The following FTO variants were observed in gnomAD, a reference collection of about 807,000 sequenced individuals.
The protein encoded by FTO is alpha-ketoglutarate-dependent dioxygenase FTO.
Under a neutral mutation model 63.9 loss-of-function variants are expected in FTO, and 47 were observed. The ratio of observed to expected loss-of-function variants is 0.74; its 90% CI spans 0.58 to 0.94. The LOEUF (loss-of-function observed/expected upper bound fraction) is 0.94, where lower values mean the gene tolerates loss of function less well. FTO is among the 40% of genes least tolerant of loss of function. The pLI, the probability that FTO is intolerant of heterozygous loss-of-function variation, is 0.00. For missense variants in FTO, 562 were observed against 618.1 expected, an observed-to-expected ratio of 0.91 and a Z score of 0.96; for synonymous variants, 207 against 224.4, an observed-to-expected ratio of 0.92 and a Z score of 0.69.
intron 7 of FTO, among the ~76,000 whole-genome samples, chr16:53,931,900 A>ACG (rs1426198160): frequency 2.6e-5 from 4 of 151,394 alleles, no homozygotes; most frequent in African/African-American, 9.8e-5. Flanking sequence ...ACACACACAC[A>ACG]CACACACGCA....
chr16:53,748,361 T>C (rs2076696404), intron 1 of FTO, among the ~76,000 whole-genome samples: 1 of 152,234 alleles, frequency 6.6e-6, no homozygotes, highest in Non-Finnish European at 1.5e-5. Context: ...TTGTTTTCAG[T>C]GTATAGGTCT....
chr16:53,939,832 G>T (rs988107974), intron 8 of FTO, among the ~76,000 whole-genome samples: 2 of 151,870 alleles, frequency 1.3e-5, no homozygotes, highest in Admixed American at 1.3e-4. Flanking sequence ...CCACTATATC[G>T]ATGTGCCACA....
chr16:53,948,819 C>T lies in FTO; in HGVS notation c.1364+14710C>T, dbSNP rs78665098. On this transcript the variant is annotated intron_variant, in intron 8 of 8. Coordinates refer to ENST00000471389, the MANE Select transcript of FTO (RefSeq NM_001080432.3). The stretch of plus-strand genomic sequence containing the variant: ...AGTCCTGACTGCTTTGAATTAAAAA[C>T]CTTCTCCATCTTCTCACACTTCTCA... Among the ~76,000 whole-genome samples the T allele has an allele frequency of 4.0e-4, 61 of 152,310 alleles. 1 individual carries two copies. In the East Asian group the frequency reaches 0.011, roughly 29 times the overall value.
chr16:53,704,021 C>G, upstream of FTO: 1 of 762,466 alleles, frequency 1.3e-6, no homozygotes, highest in African/African-American at 1.7e-5. Context: ...CCGTGGCGCT[C>G]GCGGGTGTCG....
intron 1 of FTO, among the ~76,000 whole-genome samples, chr16:53,750,387 G>A (rs779191982): frequency 2.2e-4 from 33 of 151,852 alleles, no homozygotes; most frequent in Non-Finnish European, 4.6e-4. Flanking sequence ...ACAGGTGCAC[G>A]CCACCACACC....
At chr16:53,838,123 C>G (rs1567344887) in intron 3 of FTO, among the ~76,000 whole-genome samples, 1 of 152,204 alleles carries the variant, frequency 6.6e-6, no homozygotes, top group African/African-American at 2.4e-5. Context: ...ATTTCCCATC[C>G]CAGACATGGG....
At chr16:53,954,350 C>A (rs980978243) in intron 8 of FTO, among the ~76,000 whole-genome samples, 1 of 150,988 alleles carries the variant, frequency 6.6e-6, no homozygotes, top group Non-Finnish European at 1.5e-5. Flanking sequence ...CTTTTTTTTT[C>A]CCTAGACCTA....
chr16:54,031,222 G>T (rs1483920823), intron 8 of FTO, among the ~76,000 whole-genome samples: 2 of 152,136 alleles, frequency 1.3e-5, no homozygotes, highest in South Asian at 2.1e-4. Context: ...GGGAAAAAAT[G>T]GATTTTTTAG....
At chr16:53,796,704 A>G (rs1336762262) in intron 1 of FTO, among the ~76,000 whole-genome samples, 2 of 152,238 alleles carry the variant, frequency 1.3e-5, no homozygotes, top group African/African-American at 4.8e-5. Context: ...TGAAAAGTCC[A>G]TCTGTCAAAT....
chr16:54,089,082 G>C (rs2086318216), intron 8 of FTO, among the ~76,000 whole-genome samples: 1 of 152,198 alleles, frequency 6.6e-6, no homozygotes, highest in African/African-American at 2.4e-5. Flanking sequence ...AGGGATCTCA[G>C]GTACTGTCAT....
At chr16:53,932,629 A>G (rs187067297) in intron 7 of FTO, among the ~76,000 whole-genome samples, 1 of 152,252 alleles carries the variant, frequency 6.6e-6, no homozygotes, top group African/African-American at 2.4e-5. Flanking sequence ...ACCTCAAGCA[A>G]TCTGCCTGCC....
chr16:53,829,719 A>G (rs1415172357), intron 3 of FTO, among the ~76,000 whole-genome samples: 1 of 152,228 alleles, frequency 6.6e-6, no homozygotes, highest in Non-Finnish European at 1.5e-5. Context: ...AACTCCAAAG[A>G]TAAATCAATG....
At chr16:53,978,958 C>A (rs535086577) in intron 8 of FTO, among the ~76,000 whole-genome samples, 2 of 151,978 alleles carry the variant, frequency 1.3e-5, no homozygotes, top group African/African-American at 4.8e-5. Flanking sequence ...GAGATCATGC[C>A]GCTGCACTCC....
chr16:54,108,573 A>G (rs2086808221), intron 8 of FTO, among the ~76,000 whole-genome samples: 1 of 152,190 alleles, frequency 6.6e-6, no homozygotes, highest in African/African-American at 2.4e-5. Flanking sequence ...AGACTGCCCA[A>G]GTATAACAGG....
intron 1 of FTO, among the ~76,000 whole-genome samples, chr16:53,793,851 G>A (rs1215422023): frequency 1.3e-5 from 2 of 152,156 alleles, no homozygotes; most frequent in Non-Finnish European, 2.9e-5. Flanking sequence ...GTCTTTATAT[G>A]CAAATAAAGT....
intron 7 of FTO, among the ~76,000 whole-genome samples, chr16:53,918,410 A>T (rs1488325359): frequency 1.3e-5 from 2 of 152,220 alleles, no homozygotes; most frequent in African/African-American, 4.8e-5. Flanking sequence ...AGATATCGAA[A>T]CATAGAAAAG....
intron 1 of FTO, among the ~76,000 whole-genome samples, chr16:53,788,560 G>T (rs2077812779): frequency 6.9e-6 from 1 of 144,030 alleles, no homozygotes; most frequent in South Asian, 2.2e-4. Flanking sequence ...CTGAGATCAG[G>T]CCACTGCACT....
intron 1 of FTO, among the ~76,000 whole-genome samples, chr16:53,800,377 A>G (rs967593965): frequency 1.3e-5 from 2 of 152,170 alleles, no homozygotes; most frequent in Non-Finnish European, 2.9e-5. Context: ...TTATGATTTC[A>G]ATCCTTATAA....
chr16:54,004,845 CG>C (rs1567510562), intron 8 of FTO, among the ~76,000 whole-genome samples: 2 of 151,742 alleles, frequency 1.3e-5, no homozygotes, highest in African/African-American at 4.8e-5. Flanking sequence ...CTGAGGCGAG[CG>C]GATCATGAGG....
Sources: gnomAD v4.1 joint callset for allele counts (sites outside exome capture counted in the v4.1 genomes callset) on GRCh38, gnomAD v4.1.1 for gene constraint, MANE v1.5 for transcripts, NCBI Gene and HGNC (gene_info 2026-07-23, HGNC 2026-07-21) for gene names.